BTAF1: variants seen among roughly 807,000 people sequenced by gnomAD.
BTAF1 encodes the protein TATA-binding protein-associated factor 172.
A neutral mutation model predicts 227.1 loss-of-function variants in BTAF1; 38 were observed. That is an observed-to-expected ratio of 0.17 (90% CI 0.13 to 0.22). The LOEUF (loss-of-function observed/expected upper bound fraction) is 0.22, where lower values mean the gene tolerates loss of function less well. Among genes scored for constraint, BTAF1 ranks in the 10% least tolerant of loss-of-function variants. BTAF1 has a pLI of 1.00. For missense variants in BTAF1, 1,598 were observed against 2,204.0 expected, an observed-to-expected ratio of 0.73 and a Z score of 5.51; for synonymous variants, 742 against 751.9, an observed-to-expected ratio of 0.99 and a Z score of 0.21.
At chr10:91,978,731 A>G (rs557689836) in intron 14 of BTAF1, among the ~76,000 whole-genome samples, 2 of 151,394 alleles carry the variant, frequency 1.3e-5, no homozygotes, top group African/African-American at 2.4e-5. Flanking sequence ...TTTCTATCCA[A>G]TGAAATGTCC....
chr10:92,011,161 A>T lies in BTAF1; in HGVS notation c.4181+11A>T. The T allele has an allele frequency of 6.8e-7, 1 of 1,473,000 alleles. No homozygotes were observed. 91.2% of individuals were successfully genotyped at this position (1,473,000 alleles called of 1,614,324 possible). A position where few individuals can be genotyped will look rare whatever the true frequency, so the allele number is the denominator to read the frequency against. ...CATAGATTTCTTTAGGTAAGAATTA[A>T]TTTTTTTTTTAGAAAAATTAATATC... On this transcript the variant is annotated intron_variant, in intron 29 of 37. Transcript: ENST00000265990.
intron 14 of BTAF1, among the ~76,000 whole-genome samples, chr10:91,967,664 CTG>C (rs1847017662): frequency 6.6e-6 from 1 of 152,296 alleles, no homozygotes; most frequent in Non-Finnish European, 1.5e-5. Flanking sequence ...ATCCAAATCT[CTG>C]AGAACAACTG....
At chr10:91,959,388 T>C in intron 9 of BTAF1, 2 of 734,264 alleles carry the variant, frequency 2.7e-6, no homozygotes, top group Non-Finnish European at 3.9e-6. Context: ...CTGGTAATAG[T>C]ATAAATAATA....
chr10:91,933,923 G>C (rs73312376), intron 1 of BTAF1, among the ~76,000 whole-genome samples: 58 of 152,128 alleles, frequency 3.8e-4, no homozygotes, highest in African/African-American at 1.4e-3. Context: ...GATAGAAGGG[G>C]GATGGTATCA....
chr10:91,978,825 T>G (rs889477461), intron 14 of BTAF1, among the ~76,000 whole-genome samples: 6 of 150,336 alleles, frequency 4.0e-5, no homozygotes, highest in East Asian at 1.9e-4. Context: ...TTTTTTTTTT[T>G]TTTTTTTTTT....
At chr10:92,008,303 C>CT (rs1447131549) in intron 26 of BTAF1, 28 bp downstream of exon 26, 3 of 1,527,724 alleles carry the variant, frequency 2.0e-6, no homozygotes, top group African/African-American at 1.5e-5. Context: ...GTGAGTTTTC[C>CT]TTTCAAATGA....
chr10:91,927,815 C>A (rs1026403132), intron 1 of BTAF1, among the ~76,000 whole-genome samples: 24 of 152,262 alleles, frequency 1.6e-4, no homozygotes, highest in African/African-American at 5.8e-4. Flanking sequence ...GGAAGCAAGT[C>A]AAGTAACTAG....
rs1445225795 is a variant in BTAF1, at chr10:91,942,434, A to C, written c.266A>C (p.Glu89Ala). Residue 89 changes from glutamate to alanine, a missense_variant, in exon 4 of 38, where the codon GAA becomes GCA. By Grantham distance (107) the Glu-to-Ala change is moderately radical. Around this residue, in one of 10 missense-constraint regions of BTAF1, gnomAD observed 298 missense variants for 395.2 expected, o/e 0.75. Transcript: ENST00000265990. ...VPRTRQEPTS[E>A]SSMEDSPTTE... ...AAACCTCATGTAGAACCTACTTCCG[A>C]AAGTTCTATGGAAGATTCACCTACT... is the stretch of plus-strand genomic sequence containing the variant. The C allele has an allele frequency of 2.5e-6, 4 of 1,613,724 alleles. No individual in the cohort carries two copies. The highest frequency in any genetic ancestry group is 1.7e-5 in the Admixed American group (1 of 59,982).
chr10:91,975,491 C>T (rs567384961), intron 14 of BTAF1, among the ~76,000 whole-genome samples: 1 of 152,172 alleles, frequency 6.6e-6, no homozygotes, highest in Non-Finnish European at 1.5e-5. Context: ...ATGAATAGAA[C>T]AAGGCATTAT....
intron 34 of BTAF1, 77 bp from the exon 35 acceptor site, chr10:92,024,679 G>C: frequency 3.2e-6 from 4 of 1,237,124 alleles, no homozygotes; most frequent in Non-Finnish European, 4.5e-6. Context: ...TCTTGCCACA[G>C]AGAGGAATGT....
chr10:91,984,247 T>C lies in BTAF1; in HGVS notation c.2270T>C (p.Ile757Thr), dbSNP rs1168063270. 6.2e-7 allele frequency: 1 copy of C among 1,613,984 alleles called. No individual in the cohort carries two copies. The highest frequency in any genetic ancestry group is 8.5e-7 in the Non-Finnish European group (1 of 1,179,934). ...GCTGTGCAGCCGCGTTTACTTGATA[T>C]CCTTTCAGAACATTTATATTATGAC... Reference protein sequence around the residue: ...TLAVQPRLLDILSEHLYYDEI... With the variant: ...TLAVQPRLLDTLSEHLYYDEI... The change falls in exon 19 of 38, where the codon ATC becomes ACC. Residue 757 changes from isoleucine to threonine, a missense_variant. By Grantham distance (89) the Ile-to-Thr change is moderately conservative (BLOSUM62 -1). Coordinates refer to ENST00000265990, the MANE Select transcript of BTAF1 (RefSeq NM_003972.3).
At chr10:91,982,534 G>A (rs943497482) in intron 17 of BTAF1, 53 bp from the exon 18 acceptor site, 5 of 1,524,842 alleles carry the variant, frequency 3.3e-6, no homozygotes, top group Non-Finnish European at 4.4e-6. Flanking sequence ...GAAGTATGGG[G>A]AAACTTTACT....
intron 21 of BTAF1, 37 bp from the exon 22 acceptor site, chr10:91,993,657 T>C (rs760836551): frequency 2.2e-6 from 3 of 1,373,828 alleles, no homozygotes; most frequent in Admixed American, 5.4e-5. Flanking sequence ...TATGATTTTT[T>C]CTGAAATTCT....
chr10:91,965,290 C>A (rs1300323140), intron 13 of BTAF1, among the ~76,000 whole-genome samples: 1 of 152,100 alleles, frequency 6.6e-6, no homozygotes, highest in Non-Finnish European at 1.5e-5. Context: ...TTTTTCATTA[C>A]TGTAAATCAA....
intron 4 of BTAF1, 130 bp from the exon 5 acceptor site, chr10:91,951,273 A>G (rs756991494): frequency 1.0e-5 from 9 of 887,432 alleles, no homozygotes; most frequent in Non-Finnish European, 1.5e-5. Context: ...ATGATCATGA[A>G]TGAATATGGT....
chr10:92,028,869 T>C lies in BTAF1; in HGVS notation c.5486T>C (p.Leu1829Pro). The C allele has an allele frequency of 6.2e-7, 1 of 1,609,904 alleles. No homozygotes were observed. ...TCAATTCTTGAAAACCTGAGTGATCTTTGGGATCAAGAGCAGTATGATTCA... is the reference window on the plus strand; with the variant it reads ...TCAATTCTTGAAAACCTGAGTGATCCTTGGGATCAAGAGCAGTATGATTCA... Reference protein sequence around the residue: ...MKSILENLSDLWDQEQYDSEY... With the variant: ...MKSILENLSDPWDQEQYDSEY... The change falls in exon 38 of 38, where the codon CTT becomes CCT. Residue 1829 changes from leucine to proline, a missense_variant. Leu to Pro is a moderately conservative substitution (Grantham distance 98, BLOSUM62 -3). Around this residue, in one of 10 missense-constraint regions of BTAF1, gnomAD observed 79 missense variants for 97.9 expected, o/e 0.81. Transcript: ENST00000265990.
intron 25 of BTAF1, among the ~76,000 whole-genome samples, chr10:92,000,474 T>G (rs1849444616): frequency 1.3e-5 from 2 of 152,176 alleles, no homozygotes. Flanking sequence ...TGCGCCAAAA[T>G]AGAGCTCACA....
intron 3 of BTAF1, among the ~76,000 whole-genome samples, chr10:91,942,185 G>A (rs905733291): frequency 6.6e-6 from 1 of 152,232 alleles, no homozygotes; most frequent in African/African-American, 2.4e-5. Context: ...TCTGGAGGCT[G>A]AGGCAGAAGA....
At chr10:91,966,821 G>T (rs1179109618) in intron 14 of BTAF1, 64 bp downstream of exon 14, 2 of 1,477,416 alleles carry the variant, frequency 1.4e-6, no homozygotes, top group East Asian at 2.5e-5. Flanking sequence ...AATAAACCTG[G>T]TCTTTAGCTT....
Sources: gnomAD v4.1 joint callset for allele counts (sites outside exome capture counted in the v4.1 genomes callset) on GRCh38, gnomAD v4.1.1 for gene constraint, gnomAD v4.1.1 regional missense constraint, MANE v1.5 for transcripts, NCBI Gene and HGNC (gene_info 2026-07-23, HGNC 2026-07-21) for gene names.